Variants in BOC observed in about 807,000 individuals in gnomAD.
The protein encoded by BOC is brother of CDO.
A neutral mutation model predicts 112.0 loss-of-function variants in BOC; 76 were observed. The ratio of observed to expected loss-of-function variants is 0.68; its 90% CI spans 0.56 to 0.82. BOC has a LOEUF of 0.82. BOC is among the 40% of genes least tolerant of loss of function. The pLI, the probability that BOC is intolerant of heterozygous loss-of-function variation, is 0.00. For missense variants in BOC, 1,309 were observed against 1,511.7 expected (o/e 0.87, Z 2.22); for synonymous variants, 580 against 599.8 (o/e 0.97, Z 0.48).
intron 4 of BOC, among the ~76,000 whole-genome samples, chr3:113,255,937 C>A (rs1946182308): frequency 6.6e-6 from 1 of 152,192 alleles, no homozygotes; most frequent in South Asian, 2.1e-4. Flanking sequence ...TGGGTTTAAG[C>A]CTTAGCTCTG....
intron 15 of BOC, among the ~76,000 whole-genome samples, chr3:113,281,701 G>A (rs56040613): frequency 0.036 from 5,423 of 152,302 alleles, 206 homozygotes; most frequent in Non-Finnish European, 0.044. Context: ...CATTATCTCC[G>A]TTTTGCAGAT....
intron 2 of BOC, among the ~76,000 whole-genome samples, chr3:113,218,070 G>T (rs1576313038): frequency 6.6e-6 from 1 of 152,150 alleles, no homozygotes; most frequent in African/African-American, 2.4e-5. Flanking sequence ...CGTGAAAGTT[G>T]CCGGGCTCTC....
intron 2 of BOC, among the ~76,000 whole-genome samples, chr3:113,220,369 G>T (rs1940370179): frequency 6.6e-6 from 1 of 152,180 alleles, no homozygotes; most frequent in Non-Finnish European, 1.5e-5. Context: ...GGGCACACAG[G>T]ACACCTGGGT....
chr3:113,268,029 G>A (rs1247433798), intron 4 of BOC, among the ~76,000 whole-genome samples: 4 of 152,152 alleles, frequency 2.6e-5, no homozygotes, highest in Non-Finnish European at 5.9e-5. Context: ...GTAACAGATG[G>A]TCTGAGCCAG....
chr3:113,274,483 TC>T lies in BOC; in HGVS notation c.1347del (p.Arg450AspfsTer61). ...CAGATGCTGAGGGGGCAACCGGCGC[TC>T]CCCAGACCCCCAACGTCAGTGGGGC... ...PEQMLRGQPA[L>X]PRPPTSVGPA... On this transcript the variant is annotated frameshift_variant, in exon 9 of 20. Coordinates refer to ENST00000682979, the MANE Select transcript of BOC (RefSeq NM_001378074.1). LOFTEE classifies it high-confidence loss of function. This position sits in a 1 kb window ranked among gnomAD's most constrained non-coding sequence, Gnocchi z 4.8. 1 of 1,611,596 alleles carries T rather than the reference TC, an allele frequency of 6.2e-7. No homozygotes were observed. Among genetic ancestry groups the T allele is most frequent in the Non-Finnish European group, 8.5e-7 (1 of 1,178,432 alleles).
At position 113,278,322 on chromosome 3, in the gene BOC, G is replaced by C; in HGVS notation, c.1705+65G>C. ...GGTCTAAGCAAGTTCCACTGGCCCAGGTGAGAATTCCTGCTCACCTTGCCC... is the reference window on the plus strand; with the variant it reads ...GGTCTAAGCAAGTTCCACTGGCCCACGTGAGAATTCCTGCTCACCTTGCCC... On this transcript the variant is annotated intron_variant, in intron 10 of 19. Transcript: ENST00000682979. The surrounding 1 kb of genome is among the most constrained non-coding windows in gnomAD (Gnocchi z 4.2). 6.5e-7 allele frequency: 1 copy of C among 1,547,104 alleles called. No individual in the cohort carries two copies. The highest frequency in any genetic ancestry group is 1.7e-5 in the Admixed American group (1 of 57,428).
intron 2 of BOC, among the ~76,000 whole-genome samples, chr3:113,218,860 G>C (rs1373655154): frequency 6.6e-6 from 1 of 152,182 alleles, no homozygotes; most frequent in Non-Finnish European, 1.5e-5. Flanking sequence ...GCCAGCAAGT[G>C]TCACTGGGTG....
intron 2 of BOC, among the ~76,000 whole-genome samples, chr3:113,234,306 G>A (rs1419698651): frequency 6.6e-6 from 1 of 152,164 alleles, no homozygotes; most frequent in Non-Finnish European, 1.5e-5. Context: ...TGTGAAAGAA[G>A]CTACATTGGA....
chr3:113,214,322 C>G (rs1181665731), intron 1 of BOC, among the ~76,000 whole-genome samples: 1 of 152,124 alleles, frequency 6.6e-6, no homozygotes, highest in African/African-American at 2.4e-5. Flanking sequence ...GGTTTCCATG[C>G]CCTAAGAATG....
At chr3:113,233,781 A>G (rs1054652346) in intron 2 of BOC, among the ~76,000 whole-genome samples, 20 of 152,022 alleles carry the variant, frequency 1.3e-4, no homozygotes, top group African/African-American at 4.8e-4. Flanking sequence ...ACTTCTCTTT[A>G]CATTCTTCTT....
chr3:113,223,928 C>T (rs943278017), intron 2 of BOC, among the ~76,000 whole-genome samples: 1 of 152,256 alleles, frequency 6.6e-6, no homozygotes, highest in Non-Finnish European at 1.5e-5. Flanking sequence ...CCTGGCGCTA[C>T]TGGAGTTTAG....
At chr3:113,242,824 A>G (rs1576389099) in intron 2 of BOC, among the ~76,000 whole-genome samples, 2 of 152,222 alleles carry the variant, frequency 1.3e-5, no homozygotes, top group Admixed American at 6.5e-5. Context: ...CTTTTACGTA[A>G]GTCTCCAAAG....
chr3:113,240,418 C>T (rs1050467788), intron 2 of BOC, among the ~76,000 whole-genome samples: 8 of 152,184 alleles, frequency 5.3e-5, no homozygotes, highest in Non-Finnish European at 8.8e-5. Flanking sequence ...CCTTTTGCTT[C>T]TCCTAAAGCC....
intron 2 of BOC, among the ~76,000 whole-genome samples, chr3:113,224,437 A>G (rs1941302637): frequency 6.6e-6 from 1 of 152,184 alleles, no homozygotes; most frequent in South Asian, 2.1e-4. Context: ...AGCCACTCTC[A>G]ACACAAGGCA....
Position 113,234,564 on chromosome 3 carries a change from G to T in BOC, c.-81-15158G>T, listed in dbSNP as rs13315100. Among the ~76,000 whole-genome samples, 865 of 152,264 alleles carry T rather than the reference G, an allele frequency of 5.7e-3. 6 individuals carry two copies. Among genetic ancestry groups the T allele is most frequent in the African/African-American group, 0.019 (809 of 41,532 alleles). ...AAAGATGTTGTCAAAGCTGATGGGG[G>T]CTAGGTCCTAAGCTCATTGAAGACT... On this transcript the variant is annotated intron_variant, in intron 2 of 19. Coordinates refer to ENST00000682979, the MANE Select transcript of BOC (RefSeq NM_001378074.1).
chr3:113,225,370 G>T (rs531741829), intron 2 of BOC, among the ~76,000 whole-genome samples: 1 of 152,324 alleles, frequency 6.6e-6, no homozygotes, highest in Admixed American at 6.5e-5. Context: ...CACTGGCCAG[G>T]TATTTCAGAG....
chr3:113,249,117 A>G (rs1945301515), intron 2 of BOC, among the ~76,000 whole-genome samples: 1 of 152,140 alleles, frequency 6.6e-6, no homozygotes, highest in African/African-American at 2.4e-5. Flanking sequence ...CAGGAATAAA[A>G]GGGAGTTTTC....
intron 2 of BOC, among the ~76,000 whole-genome samples, chr3:113,233,148 G>GGGGGGGT (rs75678874): frequency 1.6e-5 from 2 of 123,960 alleles, no homozygotes; most frequent in African/African-American, 6.2e-5. Context: ...AAAGGATTGG[G>GGGGGGGT]GTGTGTGTGT....
intron 15 of BOC, 88 bp downstream of exon 15, chr3:113,281,241 G>A: frequency 1.3e-6 from 2 of 1,489,866 alleles, no homozygotes; most frequent in Non-Finnish European, 1.8e-6. Flanking sequence ...GCGGTGCTGG[G>A]CCTCTTTCCC....
Sources: allele counts gnomAD v4.1 joint callset (sites outside exome capture counted in the v4.1 genomes callset), GRCh38; gene constraint gnomAD v4.1.1; non-coding constraint Gnocchi (gnomAD v3.1); transcripts MANE v1.5; gene names NCBI Gene and HGNC (gene_info 2026-07-23, HGNC 2026-07-21).